TRMT10B: variants seen among roughly 807,000 people sequenced by gnomAD.
TRMT10B encodes tRNA methyltransferase 10B.
TRMT10B carries 33 observed loss-of-function variants against 43.8 expected under a neutral mutation model. That is an observed-to-expected ratio of 0.75 (90% CI 0.57 to 1.01). The LOEUF (loss-of-function observed/expected upper bound fraction) is 1.01. TRMT10B is among the 50% of genes least tolerant of loss of function. The probability of loss-of-function intolerance (pLI) is 0.00; values close to 1 mark genes in which losing one functional copy is unlikely to be tolerated. For missense variants in TRMT10B, 362 were observed against 369.8 expected (o/e 0.98, Z 0.17); for synonymous variants, 137 against 130.6 (o/e 1.05, Z -0.34).
At chr9:37,759,709 T>TA (rs1826122201) in intron 1 of TRMT10B, among the ~76,000 whole-genome samples, 11 of 152,074 alleles carry the variant, frequency 7.2e-5, no homozygotes. Context: ...CCCAGAAACT[T>TA]AAGAGGCTGA....
intron 1 of TRMT10B, among the ~76,000 whole-genome samples, chr9:37,756,863 CAT>C (rs1380642203): frequency 2.6e-5 from 4 of 151,680 alleles, no homozygotes; most frequent in South Asian, 2.1e-4. Flanking sequence ...TACACACACA[CAT>C]ATACATACAC....
chr9:37,771,267 GT>G (rs1827546307), intron 7 of TRMT10B, among the ~76,000 whole-genome samples: 1 of 152,016 alleles, frequency 6.6e-6, no homozygotes, highest in Non-Finnish European at 1.5e-5. Flanking sequence ...TAGATAATAA[GT>G]TTAATAAAAG....
intron 4 of TRMT10B, chr9:37,767,427 C>G (rs1360809688): frequency 2.1e-5 from 3 of 142,172 alleles, no homozygotes; most frequent in Non-Finnish European, 4.5e-5. Flanking sequence ...GTAGGAGGAT[C>G]ACTTGAGCCC....
rs200251527 is a variant in TRMT10B at position 37,775,700 on chromosome 9, A to AT, written c.721-572dup. Among the ~76,000 whole-genome samples, 492 of 150,028 alleles carry AT rather than the reference A, an allele frequency of 3.3e-3. 10 individuals carry two copies. The highest frequency in any genetic ancestry group is 3.3e-3 in the Non-Finnish European group (220 of 67,248). ...AGGCACACACCAGCACACCCTGTTA[A>AT]TTTTTTTTTTGTTATTTGTAGAGAC... On this transcript the variant is annotated intron_variant, in intron 7 of 8. Transcript: ENST00000297994.
At chr9:37,773,093 T>C (rs1418588562) in intron 7 of TRMT10B, among the ~76,000 whole-genome samples, 1 of 152,192 alleles carries the variant, frequency 6.6e-6, no homozygotes, top group African/African-American at 2.4e-5. Flanking sequence ...GTCTGTAGCT[T>C]ACTTTGAAAT....
rs1471089574 is a variant in TRMT10B at position 37,763,714 on chromosome 9, A to C, written c.381A>C (p.Leu127=). 2 of 1,614,124 alleles carry C rather than the reference A, an allele frequency of 1.2e-6. No homozygotes were observed. Among genetic ancestry groups the C allele is most frequent in the Non-Finnish European group, 1.7e-6 (2 of 1,179,992 alleles). Residue 127 remains leucine (L), a synonymous_variant, in exon 4 of 9, where the codon CTA becomes CTC. Transcript: ENST00000297994. ...LLEAKHSGPR[L]CIDLSMTHYM... ...AAGCCAAACACTCAGGACCAAGACTATGTATCGATTTGAGTATGACCCACT... is the reference window on the plus strand; with the variant it reads ...AAGCCAAACACTCAGGACCAAGACTCTGTATCGATTTGAGTATGACCCACT...
chr9:37,758,238 C>A (rs754043429), intron 1 of TRMT10B, among the ~76,000 whole-genome samples: 6 of 152,050 alleles, frequency 3.9e-5, no homozygotes, highest in African/African-American at 1.2e-4. Flanking sequence ...ATGGTGAAAC[C>A]CTACCTCTAC....
At position 37,770,689 on chromosome 9, in the gene TRMT10B, C is replaced by G. The variant is rs781396875; in HGVS notation, c.670C>G (p.Leu224Val). The stretch of plus-strand genomic sequence containing the variant: ...TTCATTAGCTCTTGAAGATGTTGAT[C>G]TAAACAAAGTTTACATCCTCGGTGG... ...DSEHALEDVD[L>V]NKVYILGGLV... The change falls in exon 7 of 9, where the codon CTA (leucine) becomes GTA (valine). Residue 224 changes from leucine to valine, a missense_variant. Physicochemically the swap from Leu to Val is conservative, Grantham distance 32. Coordinates refer to ENST00000297994, the MANE Select transcript of TRMT10B (RefSeq NM_144964.4). 1 of 1,613,832 alleles carries G rather than the reference C, an allele frequency of 6.2e-7. No homozygotes were observed. The highest frequency in any genetic ancestry group is 8.5e-7 in the Non-Finnish European group (1 of 1,179,982).
chr9:37,766,980 G>A (rs1215375810), intron 4 of TRMT10B: 2 of 152,202 alleles, frequency 1.3e-5, no homozygotes, highest in South Asian at 2.1e-4. Context: ...AGAGTTGGGA[G>A]GGGAGCTTAC....
chr9:37,754,133 A>G (rs1423512253), intron 1 of TRMT10B, among the ~76,000 whole-genome samples: 1 of 152,202 alleles, frequency 6.6e-6, no homozygotes, highest in South Asian at 2.1e-4. Flanking sequence ...AGGCTAGCAA[A>G]GGTCTGAGGC....
chr9:37,752,924 C>G (rs571675158), upstream of TRMT10B, among the ~76,000 whole-genome samples: 1 of 152,178 alleles, frequency 6.6e-6, no homozygotes. Context: ...GGTTGCCTTT[C>G]TGGACTGTGG....
intron 7 of TRMT10B, among the ~76,000 whole-genome samples, chr9:37,774,039 C>T (rs551471418): frequency 7.9e-5 from 12 of 152,156 alleles, no homozygotes; most frequent in Admixed American, 3.3e-4. Context: ...GCCCCCACCC[C>T]GTCCAAGACA....
upstream of TRMT10B, among the ~76,000 whole-genome samples, chr9:37,752,903 C>T (rs935049132): frequency 8.5e-5 from 13 of 152,190 alleles, no homozygotes; most frequent in East Asian, 1.9e-4. Flanking sequence ...CAAGCAGCGG[C>T]AACCCGTTGG....
rs532692808 is a variant in TRMT10B, at chr9:37,769,951, C to G, written c.584C>G (p.Thr195Arg). The G allele has an allele frequency of 1.9e-6, 3 of 1,614,102 alleles. No homozygotes were observed. The South Asian group carries it at 3.3e-5, about 18-fold the overall frequency. ...GTTTGCATTTTCCAGTTAGACATAA[C>G]AGAAGAAGACTGCTTTAGTTTATTT... is the stretch of plus-strand genomic sequence containing the variant. ...DGFSSYLLDITEEDCFSLFPL... is the reference protein window; with the variant it reads ...DGFSSYLLDIREEDCFSLFPL... The change falls in exon 6 of 9, where the codon ACA (threonine) becomes AGA (arginine). Residue 195 changes from threonine (T) to arginine (R), a missense_variant. Coordinates refer to ENST00000297994, the MANE Select transcript of TRMT10B (RefSeq NM_144964.4).
At chr9:37,777,166 C>T (rs1828246619) in intron 8 of TRMT10B, among the ~76,000 whole-genome samples, 1 of 116,166 alleles carries the variant, frequency 8.6e-6, no homozygotes. Context: ...TGCACTCCAG[C>T]CTGAGCAACA....
At chr9:37,770,043 CGTATAGCCCATT>C (rs1554678338) in intron 6 of TRMT10B, 24 bp downstream of exon 6, 1 of 1,579,566 alleles carries the variant, frequency 6.3e-7, no homozygotes. Context: ...TGCATGGATT[CGTATAGCCCATT>C]GTTCCTGTGT....
rs1186629502 is a variant in TRMT10B, at chr9:37,777,596, A to G, written c.845-5A>G. On this transcript the variant is annotated splice_polypyrimidine_tract_variant and splice_region_variant and intron_variant, in intron 8 of 8. Coordinates refer to ENST00000297994, the MANE Select transcript of TRMT10B (RefSeq NM_144964.4). ...TCACTGTGTTTTCTGTTTACTCTCTAACAGTGTTTGATATCCTGTCCACTT... is the reference window on the plus strand; with the variant it reads ...TCACTGTGTTTTCTGTTTACTCTCTGACAGTGTTTGATATCCTGTCCACTT... 2 of 1,607,276 alleles carry G rather than the reference A, an allele frequency of 1.2e-6. No homozygotes were observed. Among genetic ancestry groups the G allele is most frequent in the Non-Finnish European group, 1.7e-6 (2 of 1,174,186 alleles).
At chr9:37,756,782 G>A (rs1289940888) in intron 1 of TRMT10B, among the ~76,000 whole-genome samples, 1 of 149,166 alleles carries the variant, frequency 6.7e-6, no homozygotes, top group African/African-American at 2.5e-5. Flanking sequence ...ATACATATGT[G>A]TATACATACA....
intron 5 of TRMT10B, among the ~76,000 whole-genome samples, chr9:37,768,796 C>T (rs1018693183): frequency 4.6e-5 from 7 of 152,190 alleles, no homozygotes; most frequent in East Asian, 1.9e-4. Flanking sequence ...GTGCATTGCG[C>T]GGGGCTGCAC....
Sources: gnomAD v4.1 joint callset for allele counts (sites outside exome capture counted in the v4.1 genomes callset) on GRCh38, gnomAD v4.1.1 for gene constraint, MANE v1.5 for transcripts, NCBI Gene and HGNC (gene_info 2026-07-23, HGNC 2026-07-21) for gene names.